SNTG1: variants seen among roughly 807,000 people sequenced by gnomAD.
SNTG1 encodes the protein syntrophin gamma 1, also known as gamma-1-syntrophin.
In SNTG1, 39 loss-of-function variants were observed where a neutral mutation model predicts 74.7. The ratio of observed to expected loss-of-function variants is 0.52; its 90% CI spans 0.40 to 0.68. The LOEUF is 0.68. SNTG1 is among the 30% of genes least tolerant of loss of function. The pLI is 0.00. For synonymous variants in SNTG1, 254 were observed against 217.1 expected, an observed-to-expected ratio of 1.17 and a Z score of -1.49; for missense variants, 685 against 609.5, an observed-to-expected ratio of 1.12 and a Z score of -1.30.
At chr8:50,447,434 T>C (rs577877281) in intron 5 of SNTG1, among the ~76,000 whole-genome samples, 14 of 152,344 alleles carry the variant, frequency 9.2e-5, no homozygotes, top group African/African-American at 3.1e-4. Flanking sequence ...GGTTTAATTC[T>C]ACCTAAAAGT....
intron 2 of SNTG1, among the ~76,000 whole-genome samples, chr8:50,392,566 C>T (rs904792399): frequency 8.5e-5 from 13 of 152,110 alleles, no homozygotes; most frequent in Non-Finnish European, 1.5e-4. Context: ...AGAGTAACTT[C>T]ATTTTGATAT....
At chr8:50,460,352 T>C (rs2093549316) in intron 8 of SNTG1, among the ~76,000 whole-genome samples, 1 of 152,224 alleles carries the variant, frequency 6.6e-6, no homozygotes, top group Non-Finnish European at 1.5e-5. Context: ...GCTTGTTCTA[T>C]TGTTCCAGTT....
At chr8:50,056,510 G>A (rs940898995) in intron 1 of SNTG1, among the ~76,000 whole-genome samples, 10 of 152,150 alleles carry the variant, frequency 6.6e-5, no homozygotes, top group African/African-American at 1.7e-4. Flanking sequence ...CATCTTTCAA[G>A]ATATATAGCC....
chr8:50,016,589 G>A, intron 1 of SNTG1, among the ~76,000 whole-genome samples: 1 of 152,076 alleles, frequency 6.6e-6, no homozygotes, highest in Non-Finnish European at 1.5e-5. Context: ...ATGTTCATTA[G>A]CAGTTTCTCA....
At chr8:50,685,856 A>T (rs561536480) in intron 15 of SNTG1, among the ~76,000 whole-genome samples, 1 of 152,150 alleles carries the variant, frequency 6.6e-6, no homozygotes, top group Non-Finnish European at 1.5e-5. Context: ...CAGTGTTAAT[A>T]CTGTTAGCTA....
At chr8:50,075,437 G>C (rs1240177485) in intron 1 of SNTG1, among the ~76,000 whole-genome samples, 2 of 152,242 alleles carry the variant, frequency 1.3e-5, no homozygotes, top group African/African-American at 2.4e-5. Context: ...TCTGTGTCTA[G>C]CTAATCTGGT....
At chr8:50,784,959 G>C (rs1034028010) in intron 18 of SNTG1, among the ~76,000 whole-genome samples, 1 of 151,132 alleles carries the variant, frequency 6.6e-6, no homozygotes, top group Non-Finnish European at 1.5e-5. Context: ...ATAACCAATG[G>C]GTCAAAAAAA....
intron 13 of SNTG1, among the ~76,000 whole-genome samples, chr8:50,624,896 C>A (rs369631047): frequency 1.3e-5 from 2 of 152,140 alleles, no homozygotes; most frequent in Non-Finnish European, 2.9e-5. Context: ...CACACGGAGA[C>A]GTTCATAGAG....
chr8:50,457,054 G>A (rs143327134), intron 8 of SNTG1: 11 of 152,262 alleles, frequency 7.2e-5, no homozygotes, highest in African/African-American at 2.2e-4. Context: ...AGAAGAAACC[G>A]TATGACAACG....
chr8:50,781,923 T>C (rs2095660791), intron 18 of SNTG1, among the ~76,000 whole-genome samples: 1 of 152,192 alleles, frequency 6.6e-6, no homozygotes, highest in African/African-American at 2.4e-5. Flanking sequence ...CTCTCAGCAT[T>C]TGCTTGTCTG....
At chr8:50,336,662 A>C (rs1036367540) in intron 2 of SNTG1, among the ~76,000 whole-genome samples, 2 of 152,238 alleles carry the variant, frequency 1.3e-5, no homozygotes, top group South Asian at 2.1e-4. Flanking sequence ...TGGTAAACCC[A>C]CACTATGTTT....
intron 8 of SNTG1, among the ~76,000 whole-genome samples, chr8:50,461,928 A>G (rs979851839): frequency 1.3e-5 from 2 of 152,110 alleles, no homozygotes; most frequent in African/African-American, 4.8e-5. Context: ...AGGCCTTCTC[A>G]GCTAGGAAGG....
At chr8:50,490,332 AT>A (rs1407527662) in intron 8 of SNTG1, among the ~76,000 whole-genome samples, 1 of 152,188 alleles carries the variant, frequency 6.6e-6, no homozygotes, top group Non-Finnish European at 1.5e-5. Context: ...CTTGATGGGA[AT>A]AGCATTGAAT....
intron 12 of SNTG1, among the ~76,000 whole-genome samples, chr8:50,584,474 G>A (rs1048222835): frequency 1.3e-5 from 2 of 150,340 alleles, no homozygotes; most frequent in Non-Finnish European, 3.0e-5. Context: ...GGTGTGAGAT[G>A]GTATCTCATT....
chr8:50,286,206 A>C (rs2088773534), intron 2 of SNTG1, among the ~76,000 whole-genome samples: 1 of 152,206 alleles, frequency 6.6e-6, no homozygotes, highest in South Asian at 2.1e-4. Flanking sequence ...ATCTGAGCAG[A>C]GGAGACCAAC....
intron 1 of SNTG1, among the ~76,000 whole-genome samples, chr8:50,023,460 C>A (rs1214823827): frequency 6.6e-6 from 1 of 152,086 alleles, no homozygotes; most frequent in Non-Finnish European, 1.5e-5. Flanking sequence ...TTATTGATAA[C>A]TTTCCAATCA....
chr8:50,542,266 CT>C (rs746879873), intron 11 of SNTG1, among the ~76,000 whole-genome samples: 331 of 150,714 alleles, frequency 2.2e-3, no homozygotes, highest in Non-Finnish European at 3.9e-3. Context: ...AGCAATTCTT[CT>C]GCTTCAGTCT....
chr8:50,542,314 C>T (rs1365502487), intron 11 of SNTG1, among the ~76,000 whole-genome samples: 1 of 151,596 alleles, frequency 6.6e-6, no homozygotes, highest in Admixed American at 6.6e-5. Context: ...CCCCACCATG[C>T]CCTGCTAATT....
At chr8:49,922,121 A>G (rs1311927747) in intron 1 of SNTG1, among the ~76,000 whole-genome samples, 3 of 152,088 alleles carry the variant, frequency 2.0e-5, no homozygotes, top group Non-Finnish European at 2.9e-5. Flanking sequence ...AGTAGACTTT[A>G]TATCTCACTG....
Sources: allele counts gnomAD v4.1 joint callset (sites outside exome capture counted in the v4.1 genomes callset), GRCh38; gene constraint gnomAD v4.1.1; transcripts MANE v1.5; gene names NCBI Gene and HGNC (gene_info 2026-07-23, HGNC 2026-07-21).